MYLK: variants seen among roughly 807,000 people sequenced by gnomAD.
MYLK encodes the protein myosin light chain kinase, smooth muscle.
MYLK carries 106 observed loss-of-function variants against 203.4 expected under a neutral mutation model. The ratio of observed to expected loss-of-function variants is 0.52; its 90% CI spans 0.45 to 0.61. The LOEUF is 0.61. Ranked by LOEUF, MYLK falls within the 20% of genes least tolerant of loss-of-function variation. The pLI is 0.00. For missense variants in MYLK, 2,072 were observed against 2,442.3 expected, an observed-to-expected ratio of 0.85 and a Z score of 3.20; for synonymous variants, 867 against 959.5, an observed-to-expected ratio of 0.90 and a Z score of 1.78.
intron 24 of MYLK, among the ~76,000 whole-genome samples, chr3:123,654,429 G>C (rs1444534399): frequency 1.3e-5 from 2 of 152,086 alleles, no homozygotes; most frequent in African/African-American, 4.8e-5. Context: ...GTGATGCCAG[G>C]CCTGCTCGCT....
chr3:123,758,047 T>C (rs1377399510), intron 4 of MYLK, among the ~76,000 whole-genome samples: 4 of 149,924 alleles, frequency 2.7e-5, no homozygotes, highest in African/African-American at 1.0e-4. Flanking sequence ...ATGGACGTGG[T>C]TGCACAAAAA....
At chr3:123,652,220 G>C (rs1181648051) in intron 24 of MYLK, among the ~76,000 whole-genome samples, 1 of 151,948 alleles carries the variant, frequency 6.6e-6, no homozygotes, top group Admixed American at 6.6e-5. Context: ...CAGAGCTCTT[G>C]GTGCATAAAG....
intron 17 of MYLK, among the ~76,000 whole-genome samples, 158 bp from the exon 18 acceptor site, chr3:123,701,163 T>C (rs2061197581): frequency 6.9e-6 from 1 of 145,484 alleles, no homozygotes; most frequent in Non-Finnish European, 1.5e-5. Flanking sequence ...ATGGGAACAT[T>C]GGTGAGAGGC....
At chr3:123,839,539 C>G (rs1008921043) in intron 2 of MYLK, among the ~76,000 whole-genome samples, 3 of 152,154 alleles carry the variant, frequency 2.0e-5, no homozygotes, top group African/African-American at 7.2e-5. Context: ...ACATCTAACA[C>G]AGGGTTCCAA....
chr3:123,650,464 C>G (rs140826980), intron 24 of MYLK, among the ~76,000 whole-genome samples: 1 of 151,682 alleles, frequency 6.6e-6, no homozygotes, highest in Non-Finnish European at 1.5e-5. Context: ...AGTGTGAGTG[C>G]GGGTGTACCG....
intron 27 of MYLK, 26 bp downstream of exon 27, chr3:123,647,198 C>G (rs1456628380): frequency 1.8e-5 from 29 of 1,611,298 alleles, no homozygotes; most frequent in Non-Finnish European, 2.4e-5. Flanking sequence ...CTGTGGTGCC[C>G]ACGCTGCTGG....
intron 4 of MYLK, among the ~76,000 whole-genome samples, chr3:123,772,457 G>T (rs140168475): frequency 1.5e-3 from 228 of 152,048 alleles, no homozygotes; most frequent in African/African-American, 5.1e-3. Flanking sequence ...CATCCATTTT[G>T]ATTAAAATGT....
At chr3:123,630,143 A>C (rs1397201485) in intron 29 of MYLK, among the ~76,000 whole-genome samples, 1 of 152,166 alleles carries the variant, frequency 6.6e-6, no homozygotes, top group East Asian at 1.9e-4. Context: ...TGCCCAATGG[A>C]TAGATGGACT....
intron 2 of MYLK, among the ~76,000 whole-genome samples, chr3:123,853,968 A>G (rs752416963): frequency 6.6e-6 from 1 of 152,008 alleles, no homozygotes; most frequent in Non-Finnish European, 1.5e-5. Context: ...AAGTTTTTGG[A>G]CAGTTAAATG....
chr3:123,831,438 G>A (rs1269609827), intron 3 of MYLK, 110 bp downstream of exon 3: 1 of 1,289,172 alleles, frequency 7.8e-7, no homozygotes, highest in East Asian at 5.5e-5. Context: ...CTTGGGGGCA[G>A]CAGTCTCTTC....
intron 27 of MYLK, 73 bp downstream of exon 27, chr3:123,647,150 TG>T: frequency 1.4e-6 from 2 of 1,380,818 alleles, no homozygotes; most frequent in Non-Finnish European, 2.0e-6. Context: ...CAGAGGTGGC[TG>T]GGGTAGGGCA....
rs138032646 is a variant in MYLK at position 123,735,079 on chromosome 3, C to T, written c.773+319G>A. 1.5e-5 allele frequency: 6 copies of T among 393,872 alleles called. 1 individual carries two copies. The highest frequency in any genetic ancestry group is 4.1e-5 in the African/African-American group (2 of 48,458). The allele number at this position is 393,872 out of a possible 1,614,324, so 24.4% of individuals were successfully genotyped here. ...CTGGGCTGGATGAGTGAACAGATTC[C>T]GCCCTGGAATGAGGAAGGCGGCCTT... On this transcript the variant is annotated intron_variant, in intron 9 of 33. Transcript: ENST00000360304.
In MYLK at chr3:123,638,112, G is replaced by A. The variant is rs756699701; in HGVS notation, c.4920C>T (p.Tyr1640=). 67 of 1,614,108 alleles carry A rather than the reference G, an allele frequency of 4.2e-5. No individual in the cohort carries two copies. The highest frequency in any genetic ancestry group is 3.3e-4 in the Middle Eastern group (2 of 6,000). ...PEVINYEPIG[Y]ATDMWSIGVI... is the part of the protein sequence containing the mutation. ...CCCCGATGCTCCACATGTCTGTGGC[G>A]TAGCCGATGGGCTCATAGTTGATCA... Residue 1640 remains tyrosine, a synonymous_variant, in exon 29 of 34, where the codon TAC becomes TAT. Transcript: ENST00000360304.
At chr3:123,752,621 T>C in intron 4 of MYLK, 83 bp from the exon 5 acceptor site, 1 of 1,295,598 alleles carries the variant, frequency 7.7e-7, no homozygotes, top group Non-Finnish European at 1.1e-6. Context: ...GTGCTTTACA[T>C]GTGTTAACTC....
At chr3:123,832,391 G>A (rs2066359370) in intron 2 of MYLK, among the ~76,000 whole-genome samples, 1 of 152,218 alleles carries the variant, frequency 6.6e-6, no homozygotes, top group African/African-American at 2.4e-5. Flanking sequence ...CATTTCCTCA[G>A]AGGGACAAAT....
intron 3 of MYLK, among the ~76,000 whole-genome samples, chr3:123,823,557 C>T (rs1560263819): frequency 6.6e-6 from 1 of 152,164 alleles, no homozygotes; most frequent in African/African-American, 2.4e-5. Context: ...CCCTCCACCT[C>T]CACTGCCACC....
intron 20 of MYLK, among the ~76,000 whole-genome samples, chr3:123,672,213 AG>A (rs2059936624): frequency 1.3e-5 from 2 of 150,548 alleles, no homozygotes; most frequent in Non-Finnish European, 3.0e-5. Flanking sequence ...GGGAGGAGAG[AG>A]AGAGAGAGAG....
At chr3:123,770,076 C>T (rs774711526) in intron 4 of MYLK, among the ~76,000 whole-genome samples, 6 of 150,384 alleles carry the variant, frequency 4.0e-5, no homozygotes, top group Non-Finnish European at 7.4e-5. Flanking sequence ...TTTTGGAGGC[C>T]GAAGCAGGTG....
intron 23 of MYLK, among the ~76,000 whole-genome samples, chr3:123,658,074 A>C (rs2059446550): frequency 6.6e-6 from 1 of 152,284 alleles, no homozygotes. Flanking sequence ...GGTGGTTGTA[A>C]GAAATTCTTA....
Sources: gnomAD v4.1 joint callset for allele counts (sites outside exome capture counted in the v4.1 genomes callset) on GRCh38, gnomAD v4.1.1 for gene constraint, MANE v1.5 for transcripts, NCBI Gene and HGNC (gene_info 2026-07-23, HGNC 2026-07-21) for gene names.